The following COG3 variants were observed in gnomAD, a reference collection of about 807,000 sequenced individuals.
The protein encoded by COG3 is conserved oligomeric Golgi complex subunit 3.
Under a neutral mutation model 114.1 loss-of-function variants are expected in COG3, and 32 were observed. The observed-to-expected ratio is 0.28, with a 90% CI of 0.21 to 0.38. The LOEUF is 0.38. COG3 is among the 10% of genes least tolerant of loss of function. COG3 has a pLI of 1.00. For synonymous variants in COG3, 352 were observed against 365.7 expected, an observed-to-expected ratio of 0.96 and a Z score of 0.43; for missense variants, 813 against 973.2, an observed-to-expected ratio of 0.84 and a Z score of 2.19.
chr13:45,505,525 G>A (rs1235127189), intron 14 of COG3, among the ~76,000 whole-genome samples: 6 of 151,952 alleles, frequency 3.9e-5, no homozygotes, highest in African/African-American at 1.2e-4. Flanking sequence ...GGCTGGTCTC[G>A]AACTCCTGAC....
In COG3 at chr13:45,483,217, C is replaced by G; in HGVS notation, c.718-13C>G. The G allele has an allele frequency of 1.3e-6, 2 of 1,572,104 alleles. No individual in the cohort carries two copies. Among genetic ancestry groups the G allele is most frequent in the Non-Finnish European group, 1.7e-6 (2 of 1,151,540 alleles). On this transcript the variant is annotated splice_polypyrimidine_tract_variant and intron_variant, in intron 6 of 22. Transcript: ENST00000349995. ...TCATTTCCACTTTGTAAATCTTTCT[C>G]TTTTCCTTACAGCCTAATTTTAAAG... is the stretch of plus-strand genomic sequence containing the variant.
intron 5 of COG3, among the ~76,000 whole-genome samples, chr13:45,481,969 T>TG (rs1287741413): frequency 6.6e-6 from 1 of 152,190 alleles, no homozygotes; most frequent in Non-Finnish European, 1.5e-5. Context: ...TTTCATAGTA[T>TG]GACTGCTAAA....
intron 1 of COG3, among the ~76,000 whole-genome samples, chr13:45,467,122 G>C (rs1297781275): frequency 6.6e-6 from 1 of 152,230 alleles, no homozygotes; most frequent in East Asian, 1.9e-4. Context: ...GTGACAGCCT[G>C]AGGTGAGAAC....
At chr13:45,525,567 T>G (rs1054900304) in intron 20 of COG3, among the ~76,000 whole-genome samples, 1 of 150,030 alleles carries the variant, frequency 6.7e-6, no homozygotes, top group Non-Finnish European at 1.5e-5. Flanking sequence ...GATTGGCAGA[T>G]GTATTTGAGA....
chr13:45,534,255 T>C (rs2137939535), intron 22 of COG3, among the ~76,000 whole-genome samples: 1 of 152,384 alleles, frequency 6.6e-6, no homozygotes, highest in East Asian at 1.9e-4. Context: ...GAGGTATGTT[T>C]CTGTCCTTGT....
At chr13:45,501,682 G>T (rs1869554295) in intron 13 of COG3, among the ~76,000 whole-genome samples, 1 of 151,990 alleles carries the variant, frequency 6.6e-6, no homozygotes, top group Non-Finnish European at 1.5e-5. Flanking sequence ...TTGCTACAGG[G>T]GTATTGTTGC....
intron 13 of COG3, among the ~76,000 whole-genome samples, chr13:45,500,061 T>TGAGA (rs1566257090): frequency 1.8e-5 from 1 of 54,374 alleles, no homozygotes; most frequent in African/African-American, 4.2e-5. Flanking sequence ...TGTGTGTGTG[T>TGAGA]GTGTGAGTGT....
chr13:45,498,146 CT>C, intron 13 of COG3, among the ~76,000 whole-genome samples: 1 of 152,152 alleles, frequency 6.6e-6, no homozygotes, highest in Middle Eastern at 3.4e-3. Context: ...TACTTTATCT[CT>C]TTGTGTGTGT....
At chr13:45,530,552 C>A in intron 21 of COG3, 130 bp from the exon 22 acceptor site, 2 of 611,996 alleles carry the variant, frequency 3.3e-6, no homozygotes, top group Non-Finnish European at 6.0e-6. Context: ...GCAAATTATG[C>A]GTCTTTGGTA....
chr13:45,472,590 G>A (rs370953771), intron 1 of COG3, among the ~76,000 whole-genome samples: 2 of 152,048 alleles, frequency 1.3e-5, no homozygotes, highest in African/African-American at 4.8e-5. Flanking sequence ...CTAACTTCAA[G>A]TTCACTGATT....
At chr13:45,521,278 T>C (rs757336786) in intron 19 of COG3, among the ~76,000 whole-genome samples, 6 of 152,246 alleles carry the variant, frequency 3.9e-5, no homozygotes, top group Non-Finnish European at 7.3e-5. Context: ...CAAATGTTCA[T>C]GGACCTGTTT....
chr13:45,511,564 G>A (rs2985969), intron 15 of COG3, among the ~76,000 whole-genome samples: 137,562 of 152,282 alleles, frequency 0.9, 62,266 homozygotes, highest in African/African-American at 0.94. Flanking sequence ...ATGTTTCCAG[G>A]GATGACTGCA....
In COG3 at chr13:45,480,325, A is replaced by G. The variant is rs141980886; in HGVS notation, c.549+35A>G. 283 of 1,402,154 alleles carry G rather than the reference A, an allele frequency of 2.0e-4. 1 individual carries two copies. The African/African-American group carries it at 3.6e-3, about 18-fold the overall frequency. 86.9% of individuals were successfully genotyped at this position (1,402,154 alleles called of 1,614,324 possible). ...AGTAAGAGAGAGGATCAGTCATTAT[A>G]TTTAATATTTTAAAATAGATGAATA... On this transcript the variant is annotated intron_variant, in intron 4 of 22. Transcript: ENST00000349995.
intron 14 of COG3, among the ~76,000 whole-genome samples, chr13:45,505,323 A>G (rs1870015056): frequency 7.0e-6 from 1 of 143,780 alleles, no homozygotes; most frequent in South Asian, 2.2e-4. Context: ...TTTTTGAGAG[A>G]CAGAGTCTCA....
chr13:45,502,970 T>G (rs1869705365), intron 13 of COG3, among the ~76,000 whole-genome samples: 1 of 152,220 alleles, frequency 6.6e-6, no homozygotes, highest in African/African-American at 2.4e-5. Flanking sequence ...CATGATATTC[T>G]TTAGGCAGTG....
intron 1 of COG3, among the ~76,000 whole-genome samples, chr13:45,474,614 G>A (rs1190005592): frequency 6.6e-6 from 1 of 152,134 alleles, no homozygotes; most frequent in Admixed American, 6.5e-5. Flanking sequence ...AGGCTGCATT[G>A]TAATGTACTT....
intron 2 of COG3, among the ~76,000 whole-genome samples, chr13:45,478,546 C>T (rs61168442): frequency 0.1 from 14,850 of 147,996 alleles, 2,072 homozygotes; most frequent in African/African-American, 0.31. Flanking sequence ...GATCTCGGCT[C>T]GCTGTGATCT....
At chr13:45,534,230 G>A (rs749010633) in intron 22 of COG3, among the ~76,000 whole-genome samples, 1 of 152,218 alleles carries the variant, frequency 6.6e-6, no homozygotes, top group Non-Finnish European at 1.5e-5. Context: ...ATAGAACAAG[G>A]CACAGTGGAT....
intron 13 of COG3, among the ~76,000 whole-genome samples, chr13:45,499,319 A>G (rs994423831): frequency 6.6e-6 from 1 of 152,214 alleles, no homozygotes; most frequent in Admixed American, 6.5e-5. Flanking sequence ...CATGATTAAT[A>G]GCAAACTTAA....
Sources: gnomAD v4.1 joint callset for allele counts (sites outside exome capture counted in the v4.1 genomes callset) on GRCh38, gnomAD v4.1.1 for gene constraint, MANE v1.5 for transcripts, NCBI Gene and HGNC (gene_info 2026-07-23, HGNC 2026-07-21) for gene names.